TK2: variants seen among roughly 807,000 people sequenced by gnomAD.
TK2 encodes thymidine kinase 2, also known as thymidine kinase 2, mitochondrial.
Under a neutral mutation model 41.9 loss-of-function variants are expected in TK2, and 35 were observed. The observed-to-expected ratio is 0.84, with a 90% CI of 0.64 to 1.11. The LOEUF (loss-of-function observed/expected upper bound fraction) is 1.11, where lower values mean the gene tolerates loss of function less well. Among genes scored for constraint, TK2 ranks in the 50% least tolerant of loss-of-function variants. The pLI, the probability that TK2 is intolerant of heterozygous loss-of-function variation, is 0.00. For missense variants in TK2, 320 were observed against 351.1 expected, an observed-to-expected ratio of 0.91 and a Z score of 0.71; for synonymous variants, 128 against 129.1, an observed-to-expected ratio of 0.99 and a Z score of 0.06.
intron 9 of TK2, among the ~76,000 whole-genome samples, chr16:66,513,163 C>T (rs774625654): frequency 2.3e-4 from 35 of 152,132 alleles, no homozygotes; most frequent in Admixed American, 2.0e-3. Context: ...GAAATGCTGA[C>T]GGGACAGACA....
In TK2 at chr16:66,530,618, G is replaced by A. The variant is rs180918257; in HGVS notation, c.375+762C>T. On this transcript the variant is annotated intron_variant, in intron 5 of 9. Coordinates refer to ENST00000544898, the MANE Select transcript of TK2 (RefSeq NM_004614.5). Reference sequence around the variant, plus strand: ...ATGAAAACAAACAAAGCATGCATTCGAGTCACCTGGAGGGCTTGATAAAAC... The same window carrying A: ...ATGAAAACAAACAAAGCATGCATTCAAGTCACCTGGAGGGCTTGATAAAAC... Among the ~76,000 whole-genome samples the A allele has an allele frequency of 5.3e-5, 8 of 152,234 alleles. No homozygotes were observed. In the South Asian group the frequency reaches 8.3e-4, roughly 16 times the overall value.
intron 8 of TK2, among the ~76,000 whole-genome samples, chr16:66,515,896 C>G (rs1255983540): frequency 1.3e-5 from 2 of 152,186 alleles, no homozygotes; most frequent in Non-Finnish European, 2.9e-5. Context: ...GTTGGATAGG[C>G]TTCCCAGGGC....
chr16:66,542,639 G>A (rs980788691), intron 2 of TK2, among the ~76,000 whole-genome samples: 1 of 152,170 alleles, frequency 6.6e-6, no homozygotes, highest in African/African-American at 2.4e-5. Flanking sequence ...GGGAGGGAAA[G>A]GGGGTCATGG....
At chr16:66,548,361 A>C (rs1468401754) in intron 2 of TK2, among the ~76,000 whole-genome samples, 1 of 152,102 alleles carries the variant, frequency 6.6e-6, no homozygotes, top group Non-Finnish European at 1.5e-5. Flanking sequence ...AGGGACTTTC[A>C]GTTCTTTTAA....
At chr16:66,522,025 G>A (rs1431347730) in intron 6 of TK2, among the ~76,000 whole-genome samples, 1 of 152,174 alleles carries the variant, frequency 6.6e-6, no homozygotes, top group Non-Finnish European at 1.5e-5. Context: ...TGTGAGGCTG[G>A]CTTCAGTCCC....
At position 66,546,326 on chromosome 16, in the gene TK2, G is replaced by C. The variant is rs543988254; in HGVS notation, c.156+2652C>G. 2.0e-5 allele frequency among the ~76,000 whole-genome samples: 3 copies of C among 152,320 alleles called. No homozygotes were observed. The East Asian group carries it at 5.8e-4, about 29-fold the overall frequency. ...CTCTGTAAATTTACTAAAAATCATT[G>C]AATTGCACATTTAAATGGGTGAATT... On this transcript the variant is annotated intron_variant, in intron 2 of 9. Coordinates refer to ENST00000544898, the MANE Select transcript of TK2 (RefSeq NM_004614.5).
intron 4 of TK2, among the ~76,000 whole-genome samples, chr16:66,535,850 G>T (rs1458592481): frequency 3.9e-5 from 6 of 152,190 alleles, no homozygotes; most frequent in African/African-American, 1.4e-4. Flanking sequence ...TACAGTCCCT[G>T]CTCCTAGTAG....
In TK2 at chr16:66,549,942, A is replaced by G; in HGVS notation, c.120T>C (p.Pro40=). The stretch of plus-strand genomic sequence containing the variant: ...CGGGACCAAGACGCGCGTTACCGGG[A>G]GGCCAGGCCCGGCGCTGCACCCTCC... ...GPRRVQRRAW[P]PDKEQEKEKK... Residue 40 remains proline, a synonymous_variant, in exon 1 of 10, where the codon CCT becomes CCC. Transcript: ENST00000544898. The G allele has an allele frequency of 7.4e-7, 1 of 1,353,764 alleles. No homozygotes were observed. Among genetic ancestry groups the G allele is most frequent in the South Asian group, 2.0e-5 (1 of 50,916 alleles). 83.9% of individuals were successfully genotyped at this position (1,353,764 alleles called of 1,614,324 possible). A position where few individuals can be genotyped will look rare whatever the true frequency, so the allele number is the denominator to read the frequency against.
In TK2 at chr16:66,529,038, C is replaced by T. The variant is rs143010355; in HGVS notation, c.405G>A (p.Ser135=). 74 of 1,614,064 alleles carry T rather than the reference C, an allele frequency of 4.6e-5. No homozygotes were observed. In the East Asian group the frequency reaches 1.1e-3, roughly 23 times the overall value. Residue 135 remains serine (S), a synonymous_variant, in exon 6 of 10, where the codon TCG becomes TCA. Coordinates refer to ENST00000544898, the MANE Select transcript of TK2 (RefSeq NM_004614.5). The part of the protein sequence containing the change: ...QVSSVRLMER[S]IHSARYIFVE... ...CAAAAATGTATCTTGCGCTGTGAATCGACCTCTCCATCAACCGTACAGATG... is the reference window on the plus strand; with the variant it reads ...CAAAAATGTATCTTGCGCTGTGAATTGACCTCTCCATCAACCGTACAGATG...
At position 66,510,600 on chromosome 16, in the gene TK2, G is replaced by T. The variant is rs553354465; in HGVS notation, c.*1368C>A. 1 of 152,280 alleles carries T rather than the reference G, an allele frequency of 6.6e-6. No homozygotes were observed. Among genetic ancestry groups the T allele is most frequent in the African/African-American group, 2.4e-5 (1 of 41,454 alleles). 9.4% of individuals were successfully genotyped at this position (152,280 alleles called of 1,614,324 possible). A position where few individuals can be genotyped will look rare whatever the true frequency, so the allele number is the denominator to read the frequency against. The stretch of plus-strand genomic sequence containing the variant: ...CCCACACTCACAGGGGCCTGGGAGC[G>T]GCCTTGCTACCTCTATTTACAGCCA... On this transcript the variant is annotated 3_prime_UTR_variant, in exon 10 of 10. Transcript: ENST00000544898.
At chr16:66,513,215 G>A (rs1230370430) in intron 9 of TK2, among the ~76,000 whole-genome samples, 1 of 152,202 alleles carries the variant, frequency 6.6e-6, no homozygotes, top group Non-Finnish European at 1.5e-5. Context: ...GCAAGAGAAA[G>A]GAGGATTACT....
intron 1 of TK2, 98 bp from the exon 2 acceptor site, chr16:66,549,107 C>T (rs1001819848): frequency 4.4e-6 from 7 of 1,589,498 alleles, no homozygotes; most frequent in Non-Finnish European, 5.1e-6. Context: ...TGTTTATGCT[C>T]ACTCCCTGGC....
rs1453235038 is a variant in TK2, at chr16:66,511,521, A to G, written c.*447T>C. On this transcript the variant is annotated 3_prime_UTR_variant, in exon 10 of 10. Coordinates refer to ENST00000544898, the MANE Select transcript of TK2 (RefSeq NM_004614.5). ...GTCTGAATGGTGCCAGCTCCACTGC[A>G]CACAGGCTGTGTGACCTCTGGGGAG... The G allele has an allele frequency of 8.3e-5, 25 of 302,950 alleles. No homozygotes were observed. The highest frequency in any genetic ancestry group is 7.1e-5 in the Non-Finnish European group (11 of 155,484). The allele number at this position is 302,950 out of a possible 1,614,324, so 18.8% of individuals were successfully genotyped here.
chr16:66,547,897 A>G, intron 2 of TK2: 1 of 1,263,750 alleles, frequency 7.9e-7, no homozygotes, highest in South Asian at 1.3e-5. Context: ...CACACCCAAA[A>G]AGCACAAAGA....
intron 2 of TK2, among the ~76,000 whole-genome samples, chr16:66,547,398 GGGTTTTA>G (rs1965641585): frequency 6.6e-6 from 1 of 152,120 alleles, no homozygotes; most frequent in Admixed American, 6.6e-5. Context: ...CAGTGACTCT[GGGTTTTA>G]GGACCTATTC....
At chr16:66,548,928 C>G (rs1408461040) in intron 2 of TK2, 50 bp downstream of exon 2, 1 of 1,574,568 alleles carries the variant, frequency 6.4e-7, no homozygotes, top group Non-Finnish European at 8.7e-7. Context: ...TCTCTCTCCT[C>G]TTCAAAAAAC....
chr16:66,523,626 C>T (rs1233631463), intron 6 of TK2, among the ~76,000 whole-genome samples: 1 of 152,026 alleles, frequency 6.6e-6, no homozygotes, highest in African/African-American at 2.4e-5. Context: ...GTCAGGAGTT[C>T]GAGACCGGCC....
At chr16:66,533,335 C>CAAAAAAAA (rs57612451) in intron 4 of TK2, among the ~76,000 whole-genome samples, 1 of 45,106 alleles carries the variant, frequency 2.2e-5, no homozygotes, top group African/African-American at 6.9e-5. Flanking sequence ...GACTCCATCT[C>CAAAAAAAA]AAAAAAAAAA....
intron 6 of TK2, among the ~76,000 whole-genome samples, chr16:66,522,011 A>G (rs1032106894): frequency 6.6e-6 from 1 of 152,140 alleles, no homozygotes; most frequent in Non-Finnish European, 1.5e-5. Flanking sequence ...TTTTCACAAG[A>G]CCTTGTGAGG....
Sources: gnomAD v4.1 joint callset for allele counts (sites outside exome capture counted in the v4.1 genomes callset) on GRCh38, gnomAD v4.1.1 for gene constraint, MANE v1.5 for transcripts, NCBI Gene and HGNC (gene_info 2026-07-23, HGNC 2026-07-21) for gene names.